LRTM1: variants seen among roughly 807,000 people sequenced by gnomAD.
LRTM1 encodes the protein leucine rich repeat transmembrane protein 1.
A neutral mutation model predicts 32.4 loss-of-function variants in LRTM1; 38 were observed. The ratio of observed to expected loss-of-function variants is 1.17; its 90% CI spans 0.91 to 1.54. The LOEUF is 1.54. Among genes scored for constraint, LRTM1 ranks in the 40% most tolerant of loss-of-function variants. The pLI, the probability that LRTM1 is intolerant of heterozygous loss-of-function variation, is 0.00. For missense variants in LRTM1, 466 were observed against 415.4 expected, an observed-to-expected ratio of 1.12 and a Z score of -1.06; for synonymous variants, 186 against 169.9, an observed-to-expected ratio of 1.09 and a Z score of -0.74.
intron 1 of LRTM1, among the ~76,000 whole-genome samples, chr3:54,940,493 C>T (rs950657340): frequency 1.3e-5 from 2 of 152,150 alleles, no homozygotes; most frequent in Non-Finnish European, 1.5e-5. Context: ...CACAGAGCTT[C>T]GGGCCATGTG....
At chr3:54,953,203 C>G (rs1701800625) in intron 1 of LRTM1, among the ~76,000 whole-genome samples, 1 of 152,166 alleles carries the variant, frequency 6.6e-6, no homozygotes. Flanking sequence ...ATTTAAGGCA[C>G]AAACGTATAA....
chr3:54,922,739 A>G (rs953775647), intron 2 of LRTM1, among the ~76,000 whole-genome samples: 4 of 151,996 alleles, frequency 2.6e-5, no homozygotes, highest in Admixed American at 6.6e-5. Context: ...ACGACTCCCC[A>G]TGGATATGTA....
chr3:54,946,314 A>G (rs1013114498), intron 1 of LRTM1, among the ~76,000 whole-genome samples: 5 of 152,176 alleles, frequency 3.3e-5, no homozygotes, highest in African/African-American at 1.2e-4. Context: ...CATCCTGTAC[A>G]TGTCTTCAGA....
In LRTM1 at chr3:54,925,059, A is replaced by G. The variant is rs1700973097; in HGVS notation, c.164T>C (p.Leu55Pro). 2 of 1,614,172 alleles carry G rather than the reference A, an allele frequency of 1.2e-6. No homozygotes were observed. Among genetic ancestry groups the G allele is most frequent in the South Asian group, 1.1e-5 (1 of 91,082 alleles). The change falls in exon 2 of 3, where the codon CTG (leucine) becomes CCG (proline). Residue 55 changes from leucine to proline, a missense_variant. Transcript: ENST00000273286. ...PSHLPPQTRT[L>P]HLQDNQIHHL... ...GTGTATCTGATTATCTTGTAAATGC[A>G]GCGTTCGAGTCTGAGGAGGTAAATG...
chr3:54,921,995 T>A (rs142325900), intron 2 of LRTM1, among the ~76,000 whole-genome samples: 1,593 of 151,974 alleles, frequency 0.01, 37 homozygotes, highest in African/African-American at 0.036. Context: ...CTGTCTCCCA[T>A]GTTTGACACA....
intron 1 of LRTM1, among the ~76,000 whole-genome samples, chr3:54,933,938 A>G (rs1294705508): frequency 6.6e-6 from 1 of 151,582 alleles, no homozygotes; most frequent in Non-Finnish European, 1.5e-5. Context: ...CCAGCTAATT[A>G]TTTTGTATTT....
chr3:54,927,816 A>C, intron 1 of LRTM1, 89 bp downstream of exon 1: 2 of 1,403,846 alleles, frequency 1.4e-6, no homozygotes, highest in South Asian at 2.3e-5. Context: ...AGACGACTTG[A>C]AAATAGATTT....
At chr3:54,926,080 C>CTT (rs1459450340) in intron 1 of LRTM1, among the ~76,000 whole-genome samples, 8 of 152,094 alleles carry the variant, frequency 5.3e-5, no homozygotes, top group African/African-American at 1.7e-4. Context: ...GTTGAACTTA[C>CTT]TTTGATTCAT....
chr3:54,934,394 G>A (rs1415648362), intron 1 of LRTM1, among the ~76,000 whole-genome samples: 1 of 124,438 alleles, frequency 8.0e-6, no homozygotes, highest in Non-Finnish European at 1.7e-5. Flanking sequence ...GGGAGGTTGT[G>A]TTCATCTCCT....
intron 1 of LRTM1, among the ~76,000 whole-genome samples, chr3:54,926,887 G>T (rs72877911): frequency 0.12 from 17,698 of 152,210 alleles, 1,035 homozygotes; most frequent in Middle Eastern, 0.15. Flanking sequence ...TTCTCACAGG[G>T]CTCAGAGAGG....
intron 1 of LRTM1, among the ~76,000 whole-genome samples, chr3:54,952,460 G>C (rs1004296198): frequency 1.3e-5 from 2 of 152,180 alleles, no homozygotes. Context: ...TCAGTTCACA[G>C]ATGTGGGAAA....
intron 1 of LRTM1, among the ~76,000 whole-genome samples, chr3:54,951,765 G>A (rs553123499): frequency 3.8e-4 from 58 of 152,354 alleles, no homozygotes; most frequent in Admixed American, 1.0e-3. Context: ...GAAGAGTTAA[G>A]TAAGATAACA....
upstream of LRTM1, among the ~76,000 whole-genome samples, chr3:54,932,355 G>T (rs188449095): frequency 6.7e-5 from 10 of 148,192 alleles, no homozygotes; most frequent in African/African-American, 2.4e-4. Context: ...ATAAATACGC[G>T]TTGGTTTGTC....
upstream of LRTM1, among the ~76,000 whole-genome samples, chr3:54,931,888 T>C (rs1266323664): frequency 1.3e-5 from 2 of 152,100 alleles, no homozygotes; most frequent in Non-Finnish European, 2.9e-5. Flanking sequence ...CACAGGTATT[T>C]AAAGAATAAA....
At chr3:54,945,506 A>G (rs1168973490) in intron 1 of LRTM1, among the ~76,000 whole-genome samples, 1 of 152,160 alleles carries the variant, frequency 6.6e-6, no homozygotes, top group African/African-American at 2.4e-5. Flanking sequence ...TTAGGTGCCT[A>G]TCCATAGGAA....
intron 1 of LRTM1, among the ~76,000 whole-genome samples, chr3:54,941,826 G>A (rs1379512489): frequency 6.6e-6 from 1 of 152,162 alleles, no homozygotes; most frequent in African/African-American, 2.4e-5. Context: ...AGGCTTCAGG[G>A]ACATGCATTG....
At chr3:54,927,402 G>T (rs1701053152) in intron 1 of LRTM1, among the ~76,000 whole-genome samples, 1 of 152,096 alleles carries the variant, frequency 6.6e-6, no homozygotes, top group Non-Finnish European at 1.5e-5. Context: ...TAATCTAAAT[G>T]ACTCCTTTCA....
intron 1 of LRTM1, among the ~76,000 whole-genome samples, chr3:54,955,145 C>G (rs1446705404): frequency 2.6e-5 from 4 of 152,270 alleles, no homozygotes; most frequent in Non-Finnish European, 4.4e-5. Context: ...TATCCAATAA[C>G]CCAGTGGGGT....
Position 54,924,772 on chromosome 3 carries a change from G to T in LRTM1, c.451C>A (p.Leu151Ile). 1.2e-6 allele frequency: 2 copies of T among 1,614,128 alleles called. No homozygotes were observed. The highest frequency in any genetic ancestry group is 2.2e-5 in the East Asian group (1 of 44,864). The change falls in exon 2 of 3, where the codon CTT (leucine) becomes ATT (isoleucine). Residue 151 changes from leucine (L) to isoleucine (I), a missense_variant. Transcript: ENST00000273286. ...LGETWENLTILAVQQNQLQQL... is the reference protein window; with the variant it reads ...LGETWENLTIIAVQQNQLQQL... ...TGAAGCTGGTTTTGTTGAACCGCAAGTATAGTTAGGTTCTCCCAAGTCTCT... is the reference window on the plus strand; with the variant it reads ...TGAAGCTGGTTTTGTTGAACCGCAATTATAGTTAGGTTCTCCCAAGTCTCT...
Sources: allele counts gnomAD v4.1 joint callset (sites outside exome capture counted in the v4.1 genomes callset), GRCh38; gene constraint gnomAD v4.1.1; transcripts MANE v1.5; gene names NCBI Gene and HGNC (gene_info 2026-07-23, HGNC 2026-07-21).